VWC2L: variants seen among roughly 807,000 people sequenced by gnomAD.
VWC2L encodes the protein von Willebrand factor C domain-containing protein 2-like.
A neutral mutation model predicts 21.6 loss-of-function variants in VWC2L; 10 were observed. The ratio of observed to expected loss-of-function variants is 0.46; its 90% CI spans 0.29 to 0.78. The LOEUF (loss-of-function observed/expected upper bound fraction) is 0.78. VWC2L is among the 30% of genes least tolerant of loss of function. The pLI is 0.10. For synonymous variants in VWC2L, 96 were observed against 94.3 expected (o/e 1.02, Z -0.10); for missense variants, 209 against 277.1 (o/e 0.75, Z 1.74).
At chr2:214,482,230 C>T (rs1267960210) in intron 3 of VWC2L, among the ~76,000 whole-genome samples, 4 of 152,092 alleles carry the variant, frequency 2.6e-5, no homozygotes, top group South Asian at 2.1e-4. Context: ...TCATGCTCTT[C>T]GGTGCTCACC....
chr2:214,458,940 T>G (rs1042365971), intron 3 of VWC2L, among the ~76,000 whole-genome samples: 1 of 152,202 alleles, frequency 6.6e-6, no homozygotes, highest in Non-Finnish European at 1.5e-5. Context: ...GTCCATTTGG[T>G]CTAATGCGCA....
intron 3 of VWC2L, among the ~76,000 whole-genome samples, chr2:214,555,846 C>T (rs1475064461): frequency 6.6e-6 from 1 of 152,102 alleles, no homozygotes; most frequent in African/African-American, 2.4e-5. Context: ...TCTATGGGCT[C>T]TTCAGTAATA....
chr2:214,496,325 G>T (rs1688813082), intron 3 of VWC2L, among the ~76,000 whole-genome samples: 1 of 139,708 alleles, frequency 7.2e-6, no homozygotes, highest in Non-Finnish European at 1.6e-5. Context: ...AAAGAAAGAT[G>T]CAATAGAATG....
At chr2:214,461,581 G>A (rs898393552) in intron 3 of VWC2L, among the ~76,000 whole-genome samples, 3 of 152,138 alleles carry the variant, frequency 2.0e-5, no homozygotes. Context: ...CTAGGCCCTT[G>A]GTGGTACATA....
rs1702272912 is a variant in VWC2L at position 214,411,701 on chromosome 2, GA to G, written c.-164del. ...ATGTATTCTTTGGGTAATTAAAGAG[GA>G]ACTGCTTTCTTAAAACATACCTGAC... On this transcript the variant is annotated 5_prime_UTR_variant, in exon 1 of 4. An upstream open reading frame in the 5' UTR loses its in-frame stop. Coordinates refer to ENST00000312504, the MANE Select transcript of VWC2L (RefSeq NM_001080500.4). The G allele has an allele frequency of 1.3e-5, 2 of 152,182 alleles. No individual in the cohort carries two copies. Among genetic ancestry groups the G allele is most frequent in the African/African-American group, 4.8e-5 (2 of 41,440 alleles). The allele number at this position is 152,182 out of a possible 1,614,324, so 9.4% of individuals were successfully genotyped here. A position where few individuals can be genotyped will look rare whatever the true frequency, so the allele number is the denominator to read the frequency against.
At chr2:214,516,265 C>A (rs1312326955) in intron 3 of VWC2L, among the ~76,000 whole-genome samples, 1 of 150,972 alleles carries the variant, frequency 6.6e-6, no homozygotes, top group Non-Finnish European at 1.5e-5. Flanking sequence ...CCCCAGGAGT[C>A]AGCTCATAAA....
intron 3 of VWC2L, among the ~76,000 whole-genome samples, chr2:214,480,650 G>A (rs1218218145): frequency 1.3e-5 from 2 of 151,772 alleles, no homozygotes; most frequent in Non-Finnish European, 2.9e-5. Flanking sequence ...TTCATTCTGG[G>A]GATAACTTCA....
At chr2:214,524,328 A>G (rs564086525) in intron 3 of VWC2L, among the ~76,000 whole-genome samples, 2 of 152,272 alleles carry the variant, frequency 1.3e-5, no homozygotes, top group East Asian at 3.9e-4. Flanking sequence ...ATGAAGGACA[A>G]TATTTGTTTT....
intron 3 of VWC2L, among the ~76,000 whole-genome samples, chr2:214,515,303 A>T (rs886296675): frequency 6.6e-6 from 1 of 152,220 alleles, no homozygotes; most frequent in African/African-American, 2.4e-5. Context: ...AGCATGGGCA[A>T]GCTACTAAAG....
intron 3 of VWC2L, among the ~76,000 whole-genome samples, chr2:214,531,622 C>A (rs748509252): frequency 6.6e-6 from 1 of 152,054 alleles, no homozygotes; most frequent in Non-Finnish European, 1.5e-5. Flanking sequence ...GGGTTCTTTG[C>A]AGAAGTGGTT....
At chr2:214,553,742 A>G (rs771243384) in intron 3 of VWC2L, among the ~76,000 whole-genome samples, 8 of 152,188 alleles carry the variant, frequency 5.3e-5, no homozygotes, top group Non-Finnish European at 8.8e-5. Flanking sequence ...AGGCATGTCT[A>G]GACTCCCCAC....
chr2:214,455,239 TTAAAA>T (rs1484684596), intron 3 of VWC2L, among the ~76,000 whole-genome samples: 3 of 152,164 alleles, frequency 2.0e-5, no homozygotes, highest in African/African-American at 7.2e-5. Flanking sequence ...AAAAAGACTT[TTAAAA>T]TAAATTTATT....
chr2:214,445,810 T>C (rs1055275560), intron 3 of VWC2L, among the ~76,000 whole-genome samples: 4 of 152,006 alleles, frequency 2.6e-5, no homozygotes, highest in African/African-American at 7.3e-5. Flanking sequence ...TTTTTTCTTT[T>C]ACTAAAAAAA....
At chr2:214,549,667 G>A (rs1054999925) in intron 3 of VWC2L, among the ~76,000 whole-genome samples, 1 of 152,232 alleles carries the variant, frequency 6.6e-6, no homozygotes, top group African/African-American at 2.4e-5. Flanking sequence ...CAGCTACTCA[G>A]AAGGCTGAGG....
intron 3 of VWC2L, among the ~76,000 whole-genome samples, chr2:214,513,958 A>C (rs1689098938): frequency 6.6e-6 from 1 of 152,126 alleles, no homozygotes; most frequent in South Asian, 2.1e-4. Context: ...AAAGGACATC[A>C]GCTGCTAGAA....
chr2:214,472,459 T>TA (rs1703323900), intron 3 of VWC2L, among the ~76,000 whole-genome samples: 1 of 152,240 alleles, frequency 6.6e-6, no homozygotes, highest in South Asian at 2.1e-4. Flanking sequence ...ACCAAAATGA[T>TA]AGACATTTGC....
At chr2:214,551,264 T>A (rs1689790035) in intron 3 of VWC2L, among the ~76,000 whole-genome samples, 1 of 152,164 alleles carries the variant, frequency 6.6e-6, no homozygotes, top group South Asian at 2.1e-4. Context: ...TAAAGGACAT[T>A]CAAGATAGGA....
At chr2:214,527,406 A>G (rs983762506) in intron 3 of VWC2L, among the ~76,000 whole-genome samples, 1 of 152,154 alleles carries the variant, frequency 6.6e-6, no homozygotes, top group Non-Finnish European at 1.5e-5. Context: ...TTGAAATAAA[A>G]AAATAAAAGA....
intron 3 of VWC2L, among the ~76,000 whole-genome samples, chr2:214,487,225 G>A (rs1051379556): frequency 2.6e-5 from 4 of 151,782 alleles, no homozygotes; most frequent in Admixed American, 6.6e-5. Context: ...TGACCAGTAC[G>A]TGTTACTTTG....
Sources: allele counts gnomAD v4.1 joint callset (sites outside exome capture counted in the v4.1 genomes callset), GRCh38; gene constraint gnomAD v4.1.1; transcripts MANE v1.5; gene names NCBI Gene and HGNC (gene_info 2026-07-23, HGNC 2026-07-21).